USP13: variants seen among roughly 807,000 people sequenced by gnomAD.
USP13 encodes ubiquitin carboxyl-terminal hydrolase 13.
USP13 carries 68 observed loss-of-function variants against 107.8 expected under a neutral mutation model. The ratio of observed to expected loss-of-function variants is 0.63; its 90% CI spans 0.52 to 0.77. The LOEUF is 0.77. Among genes scored for constraint, USP13 ranks in the 30% least tolerant of loss-of-function variants. The pLI is 0.00. For missense variants in USP13, 945 were observed against 1,093.3 expected, an observed-to-expected ratio of 0.86 and a Z score of 1.91; for synonymous variants, 377 against 389.5, an observed-to-expected ratio of 0.97 and a Z score of 0.38.
chr3:179,756,338 G>A (rs1390227963), intron 15 of USP13, among the ~76,000 whole-genome samples: 2 of 151,996 alleles, frequency 1.3e-5, no homozygotes, highest in Non-Finnish European at 2.9e-5. Flanking sequence ...CAAGAGAATC[G>A]CTTGAACCAG....
At chr3:179,723,083 G>A (rs939735317) in intron 8 of USP13, among the ~76,000 whole-genome samples, 19 of 152,188 alleles carry the variant, frequency 1.2e-4, no homozygotes, top group African/African-American at 4.1e-4. Context: ...GTTTAAGTGC[G>A]GAAGAGGACA....
At chr3:179,765,919 C>G in intron 19 of USP13, 71 bp downstream of exon 19, 1 of 1,503,244 alleles carries the variant, frequency 6.7e-7, no homozygotes, top group South Asian at 1.3e-5. Flanking sequence ...TCCCTCCCAC[C>G]ACAACATAGT....
chr3:179,680,248 A>G (rs894089625), intron 1 of USP13, among the ~76,000 whole-genome samples: 1 of 152,168 alleles, frequency 6.6e-6, no homozygotes, highest in Non-Finnish European at 1.5e-5. Context: ...CATGAAGCAT[A>G]TCAGACATGC....
chr3:179,670,953 T>C (rs1720733824), intron 1 of USP13, among the ~76,000 whole-genome samples: 1 of 152,060 alleles, frequency 6.6e-6, no homozygotes, highest in Non-Finnish European at 1.5e-5. Flanking sequence ...TGTCTCGGCC[T>C]CACAAAGTGC....
chr3:179,660,714 G>A lies in USP13; in HGVS notation c.168+7321G>A, dbSNP rs546434519. On this transcript the variant is annotated intron_variant, in intron 1 of 20. Transcript: ENST00000263966. ...TGTTTACTTGTAGGGAGAAAAAAAA[G>A]TTAATTTAGGATCTCTGTGGAAAAC... 4.6e-5 allele frequency among the ~76,000 whole-genome samples: 7 copies of A among 152,320 alleles called. No homozygotes were observed. The South Asian group carries it at 1.4e-3, about 32-fold the overall frequency.
intron 1 of USP13, among the ~76,000 whole-genome samples, chr3:179,681,146 T>C (rs1711640054): frequency 6.6e-6 from 1 of 152,140 alleles, no homozygotes; most frequent in African/African-American, 2.4e-5. Context: ...ATAGGAGCAC[T>C]TGGAGCCAGG....
At position 179,787,608 on chromosome 3, in the gene USP13, CT is replaced by C. The variant is rs796952465; in HGVS notation, c.*3478del. On this transcript the variant is annotated 3_prime_UTR_variant, in exon 21 of 21. Coordinates refer to ENST00000263966, the MANE Select transcript of USP13 (RefSeq NM_003940.3). ...TATACTTTTTTGGGTAATCATCCCA[CT>C]TTTTTTTTTTCTTGAGATGGAGTCT... 1,172 of 148,114 alleles carry C rather than the reference CT, an allele frequency of 7.9e-3. 7 individuals are homozygous for C. The highest frequency in any genetic ancestry group is 0.014 in the Non-Finnish European group (930 of 66,692). The allele number at this position is 148,114 out of a possible 1,614,324, so 9.2% of individuals were successfully genotyped here. A position where few individuals can be genotyped will look rare whatever the true frequency, so the allele number is the denominator to read the frequency against.
intron 13 of USP13, among the ~76,000 whole-genome samples, chr3:179,749,821 A>G (rs898845921): frequency 2.6e-5 from 4 of 152,224 alleles, no homozygotes; most frequent in African/African-American, 7.2e-5. Context: ...TACTGACCAC[A>G]GAGCAGCTTC....
intron 1 of USP13, among the ~76,000 whole-genome samples, chr3:179,664,001 A>G (rs9863739): frequency 0.011 from 1,702 of 152,250 alleles, 33 homozygotes; most frequent in African/African-American, 0.039. Flanking sequence ...CATGGGTGGG[A>G]TACAGATTGT....
chr3:179,746,209 A>C, intron 13 of USP13, among the ~76,000 whole-genome samples: 1 of 147,218 alleles, frequency 6.8e-6, no homozygotes, highest in Non-Finnish European at 1.5e-5. Flanking sequence ...TTATATATAA[A>C]ATGTATATAT....
chr3:179,657,900 T>G (rs1240651976), intron 1 of USP13, among the ~76,000 whole-genome samples: 1 of 151,986 alleles, frequency 6.6e-6, no homozygotes, highest in Non-Finnish European at 1.5e-5. Flanking sequence ...ACACTTCTGC[T>G]CATAAGCCTC....
At chr3:179,703,953 T>C (rs1712623704) in intron 4 of USP13, among the ~76,000 whole-genome samples, 1 of 152,176 alleles carries the variant, frequency 6.6e-6, no homozygotes, top group South Asian at 2.1e-4. Flanking sequence ...GCTGGACTCT[T>C]ATGAGCCAGT....
In USP13 at chr3:179,749,298, A is replaced by C. The variant is rs148260021; in HGVS notation, c.1710-2987A>C. The stretch of plus-strand genomic sequence containing the variant: ...ATTGTTGTTGGGACATATTCTAAGC[A>C]CTTTATATGTCTTAAATCATTTAAT... On this transcript the variant is annotated intron_variant, in intron 13 of 20. Coordinates refer to ENST00000263966, the MANE Select transcript of USP13 (RefSeq NM_003940.3). Among the ~76,000 whole-genome samples the C allele has an allele frequency of 2.3e-3, 345 of 152,356 alleles. 4 individuals are homozygous for C. The highest frequency in any genetic ancestry group is 8.0e-3 in the African/African-American group (334 of 41,588).
intron 4 of USP13, among the ~76,000 whole-genome samples, chr3:179,705,188 G>T (rs911403230): frequency 4.6e-5 from 7 of 152,146 alleles, no homozygotes; most frequent in Non-Finnish European, 1.0e-4. Flanking sequence ...TTCCTTCCTT[G>T]GTTCTAGGGT....
chr3:179,663,358 A>G (rs1720506525), intron 1 of USP13, among the ~76,000 whole-genome samples: 1 of 152,218 alleles, frequency 6.6e-6, no homozygotes, highest in Non-Finnish European at 1.5e-5. Flanking sequence ...GTGTGTATAT[A>G]CCGCATCTTG....
At chr3:179,755,390 G>A (rs1370718589) in intron 15 of USP13, among the ~76,000 whole-genome samples, 1 of 152,110 alleles carries the variant, frequency 6.6e-6, no homozygotes, top group Non-Finnish European at 1.5e-5. Flanking sequence ...CACCTCCTGG[G>A]TTCAAGCAAT....
Position 179,781,399 on chromosome 3 carries a change from C to G in USP13, c.2414-340C>G, listed in dbSNP as rs149362659. 5.3e-3 allele frequency among the ~76,000 whole-genome samples: 814 copies of G among 152,202 alleles called. 7 individuals are homozygous for G. Among genetic ancestry groups the G allele is most frequent in the African/African-American group, 0.018 (766 of 41,506 alleles). On this transcript the variant is annotated intron_variant, in intron 19 of 20. Transcript: ENST00000263966. ...AGAAAGAGGAAACAACTTGTCCACC[C>G]TCGTGCTATTTGGAAGTGATAGAGC... is the stretch of plus-strand genomic sequence containing the variant.
In USP13 at chr3:179,784,172, C is replaced by A. The variant is rs752956026; in HGVS notation, c.*31C>A. On this transcript the variant is annotated 3_prime_UTR_variant, in exon 21 of 21. Transcript: ENST00000263966. Reference sequence around the variant, plus strand: ...AAATATAAAAATTGGCGAAAAGAAGCCATACGCCTTTTTAATTTGCCAAAA... The same window carrying A: ...AAATATAAAAATTGGCGAAAAGAAGACATACGCCTTTTTAATTTGCCAAAA... The A allele has an allele frequency of 3.4e-5, 51 of 1,520,432 alleles. No homozygotes were observed. In the East Asian group the frequency reaches 1.0e-3, roughly 31 times the overall value. The allele number at this position is 1,520,432 out of a possible 1,614,324, so 94.2% of individuals were successfully genotyped here.
At chr3:179,672,951 G>A (rs1216840422) in intron 1 of USP13, among the ~76,000 whole-genome samples, 2 of 152,176 alleles carry the variant, frequency 1.3e-5, no homozygotes, top group African/African-American at 2.4e-5. Flanking sequence ...TCTGAGCACC[G>A]GAGGCAGGTA....
Sources: allele counts gnomAD v4.1 joint callset (sites outside exome capture counted in the v4.1 genomes callset), GRCh38; gene constraint gnomAD v4.1.1; transcripts MANE v1.5; gene names NCBI Gene and HGNC (gene_info 2026-07-23, HGNC 2026-07-21).